KDM5A: variants seen among roughly 807,000 people sequenced by gnomAD.
KDM5A encodes lysine-specific demethylase 5A.
In KDM5A, 42 loss-of-function variants were observed where a neutral mutation model predicts 193.5. That is an observed-to-expected ratio of 0.22 (90% CI 0.17 to 0.28). KDM5A has a LOEUF of 0.28. Ranked by LOEUF, KDM5A falls within the 10% of genes least tolerant of loss-of-function variation. The pLI is 1.00. For synonymous variants in KDM5A, 796 were observed against 718.1 expected (o/e 1.11, Z -1.73); for missense variants, 1,692 against 2,055.1 (o/e 0.82, Z 3.42).
chr12:309,332 A>T (rs1943552258), intron 22 of KDM5A, among the ~76,000 whole-genome samples: 1 of 152,192 alleles, frequency 6.6e-6, no homozygotes, highest in African/African-American at 2.4e-5. Context: ...GAATTTTCTC[A>T]GTGTTTAATA....
At chr12:380,845 G>A (rs1421308213) in intron 3 of KDM5A, among the ~76,000 whole-genome samples, 1 of 151,802 alleles carries the variant, frequency 6.6e-6, no homozygotes, top group Non-Finnish European at 1.5e-5. Flanking sequence ...GCCCAGGCTG[G>A]AGTGCAGTGG....
intron 24 of KDM5A, among the ~76,000 whole-genome samples, chr12:303,710 T>C (rs1298822756): frequency 6.6e-6 from 1 of 152,202 alleles, no homozygotes; most frequent in East Asian, 1.9e-4. Context: ...CTATAATAAC[T>C]CCTATACCAA....
At chr12:337,100 T>C (rs1344720500) in intron 10 of KDM5A, among the ~76,000 whole-genome samples, 2 of 152,184 alleles carry the variant, frequency 1.3e-5, no homozygotes, top group Non-Finnish European at 2.9e-5. Context: ...TCACGAGATC[T>C]GGTTGTTTAA....
In KDM5A at chr12:281,058, T is replaced by G; in HGVS notation, c.*4398A>C. ...CATTTAAAGTTGCCACCAATGTAAA[T>G]GACAGGGGTTAGGGTGGGTATGGGT... On this transcript the variant is annotated 3_prime_UTR_variant, in exon 28 of 28. Transcript: ENST00000399788. 4.3e-6 allele frequency: 1 copy of G among 233,002 alleles called. No homozygotes were observed. Among genetic ancestry groups the G allele is most frequent in the Non-Finnish European group, 8.5e-6 (1 of 117,878 alleles). The allele number at this position is 233,002 out of a possible 1,614,324, so 14.4% of individuals were successfully genotyped here.
In KDM5A at chr12:389,256, G is replaced by T; in HGVS notation, c.-165C>A. The T allele has an allele frequency of 1.3e-6, 1 of 758,992 alleles. No homozygotes were observed. The highest frequency in any genetic ancestry group is 2.3e-6 in the Non-Finnish European group (1 of 431,770). The allele number at this position is 758,992 out of a possible 1,614,324, so 47.0% of individuals were successfully genotyped here. A position where few individuals can be genotyped will look rare whatever the true frequency, so the allele number is the denominator to read the frequency against. ...CCAGAATCGCTTCCTCCTCCCGTTT[G>T]TTATTGTTTCTTGCAAGGCTTTTCC... On this transcript the variant is annotated 5_prime_UTR_variant, in exon 1 of 28. Coordinates refer to ENST00000399788, the MANE Select transcript of KDM5A (RefSeq NM_001042603.3).
intron 3 of KDM5A, among the ~76,000 whole-genome samples, chr12:376,861 A>G (rs1437584483): frequency 1.3e-5 from 2 of 152,342 alleles, no homozygotes; most frequent in Non-Finnish European, 1.5e-5. Flanking sequence ...GGAACCAAAT[A>G]CAAATGTAGA....
intron 21 of KDM5A, among the ~76,000 whole-genome samples, chr12:310,253 G>A (rs972066368): frequency 4.6e-5 from 7 of 152,190 alleles, no homozygotes; most frequent in Non-Finnish European, 8.8e-5. Flanking sequence ...TCATTCCAAA[G>A]CCTTTGCTCT....
At chr12:376,457 A>G (rs1944505472) in intron 3 of KDM5A, among the ~76,000 whole-genome samples, 1 of 152,168 alleles carries the variant, frequency 6.6e-6, no homozygotes. Context: ...GGAGTGACCC[A>G]ATTTTCCAGG....
intron 3 of KDM5A, among the ~76,000 whole-genome samples, chr12:377,353 T>C (rs1944519610): frequency 2.0e-5 from 3 of 151,734 alleles, no homozygotes; most frequent in Admixed American, 6.6e-5. Context: ...ATTAGAAGAA[T>C]TGAAAGAAAT....
At chr12:316,698 G>T (rs981862216) in intron 19 of KDM5A, among the ~76,000 whole-genome samples, 7 of 152,126 alleles carry the variant, frequency 4.6e-5, no homozygotes, top group Non-Finnish European at 1.5e-5. Context: ...ACTGTCATTC[G>T]TCTGAAGACA....
intron 24 of KDM5A, among the ~76,000 whole-genome samples, chr12:304,466 T>C (rs974983285): frequency 1.6e-5 from 2 of 128,714 alleles, no homozygotes; most frequent in African/African-American, 3.2e-5. Context: ...TTTTTTTTTT[T>C]CATTCAAAGA....
At chr12:313,603 T>C (rs368002987) in intron 19 of KDM5A, among the ~76,000 whole-genome samples, 4 of 152,296 alleles carry the variant, frequency 2.6e-5, no homozygotes, top group East Asian at 1.9e-4. Context: ...GCACATTGGA[T>C]AGCAATATAG....
intron 8 of KDM5A, 75 bp downstream of exon 8, chr12:354,001 A>G: frequency 9.3e-7 from 1 of 1,072,154 alleles, no homozygotes; most frequent in Non-Finnish European, 1.4e-6. Flanking sequence ...ATTTGGGAAT[A>G]TGTTTATATG....
chr12:361,639 G>C (rs1420588399), intron 5 of KDM5A, among the ~76,000 whole-genome samples: 1 of 152,164 alleles, frequency 6.6e-6, no homozygotes, highest in Non-Finnish European at 1.5e-5. Context: ...CTTCAAAGCA[G>C]AATCACCATG....
intron 10 of KDM5A, among the ~76,000 whole-genome samples, chr12:344,013 C>T (rs973393658): frequency 5.3e-5 from 8 of 152,114 alleles, no homozygotes; most frequent in African/African-American, 1.7e-4. Flanking sequence ...AGCTAAAAAC[C>T]TTGAAAAAAG....
At chr12:319,505 C>T (rs1361907492) in intron 18 of KDM5A, among the ~76,000 whole-genome samples, 1 of 152,178 alleles carries the variant, frequency 6.6e-6, no homozygotes, top group African/African-American at 2.4e-5. Flanking sequence ...AATTCCAGCA[C>T]TTTGGGAGGC....
At chr12:335,580 T>C (rs1390950212) in intron 10 of KDM5A, among the ~76,000 whole-genome samples, 4 of 152,192 alleles carry the variant, frequency 2.6e-5, no homozygotes, top group Non-Finnish European at 5.9e-5. Flanking sequence ...TTGTGCTTAC[T>C]GTTTAGAAGT....
At chr12:363,704 T>C (rs147684798) in intron 4 of KDM5A, among the ~76,000 whole-genome samples, 18 of 152,254 alleles carry the variant, frequency 1.2e-4, no homozygotes, top group Non-Finnish European at 2.6e-4. Context: ...AAGAAAATCT[T>C]TGTGACCTTG....
rs962943262 is a variant in KDM5A at position 357,502 on chromosome 12, T to TA, written c.673-966dup. 9.2e-4 allele frequency among the ~76,000 whole-genome samples: 131 copies of TA among 141,914 alleles called. 1 individual carries two copies. Among genetic ancestry groups the TA allele is most frequent in the Middle Eastern group, 3.5e-3 (1 of 284 alleles). The allele number at this position is 141,914 out of a possible 152,430, so 93.1% of individuals were successfully genotyped here. A position where few individuals can be genotyped will look rare whatever the true frequency, so the allele number is the denominator to read the frequency against. ...GGGTGACACAAAAAGACCCTGTCTT[T>TA]AAAAAAAAAAAGAGGAAAGCATCTT... On this transcript the variant is annotated intron_variant, in intron 5 of 27. Coordinates refer to ENST00000399788, the MANE Select transcript of KDM5A (RefSeq NM_001042603.3).
Sources: allele counts gnomAD v4.1 joint callset (sites outside exome capture counted in the v4.1 genomes callset), GRCh38; gene constraint gnomAD v4.1.1; transcripts MANE v1.5; gene names NCBI Gene and HGNC (gene_info 2026-07-23, HGNC 2026-07-21).